The following RBM4 variants were observed in gnomAD, a reference collection of about 807,000 sequenced individuals.
The protein encoded by RBM4 is RNA binding motif protein 4.
RBM4 carries 7 observed loss-of-function variants against 29.5 expected under a neutral mutation model. The ratio of observed to expected loss-of-function variants is 0.24; its 90% confidence interval spans 0.14 to 0.45. The LOEUF is 0.45. Ranked by LOEUF, RBM4 falls within the 20% of genes least tolerant of loss-of-function variation. RBM4 has a pLI of 1.00. For synonymous variants in RBM4, 220 were observed against 205.4 expected, an observed-to-expected ratio of 1.07 and a Z score of -0.61; for missense variants, 387 against 502.3, an observed-to-expected ratio of 0.77 and a Z score of 2.19.
At chr11:66,651,416 C>T (rs1002270984), downstream of RBM4, among the ~76,000 whole-genome samples, 1 of 151,244 alleles carries the variant, frequency 6.6e-6, no homozygotes, top group East Asian at 1.9e-4. Flanking sequence ...GGCACTATCT[C>T]GGCTCACTGC....
intron 3 of RBM4, 45 bp from the exon 4 acceptor site, chr11:66,645,982 C>T (rs905756718): frequency 6.5e-7 from 1 of 1,535,848 alleles, no homozygotes; most frequent in Admixed American, 2.0e-5. Flanking sequence ...TGGGAAAGCC[C>T]TTTTGAGCTT....
chr11:66,654,513 T>A (rs890732235), intron 2 of RBM4, among the ~76,000 whole-genome samples: 8 of 151,742 alleles, frequency 5.3e-5, no homozygotes, highest in African/African-American at 1.5e-4. Flanking sequence ...AAATTTTTTT[T>A]ATTTTTGAGA....
intron 2 of RBM4, chr11:66,652,271 T>G (rs766896605): frequency 7.2e-5 from 11 of 152,170 alleles, no homozygotes; most frequent in Non-Finnish European, 1.2e-4. Context: ...TTTTTTGTAT[T>G]TTTAGTAGAG....
chr11:66,645,923 A>T, intron 3 of RBM4, 104 bp from the exon 4 acceptor site: 1 of 1,522,924 alleles, frequency 6.6e-7, no homozygotes, highest in Non-Finnish European at 8.8e-7. Context: ...AAGTAAACTT[A>T]AAAGGAGTGT....
intron 3 of RBM4, chr11:66,644,459 A>AC (rs1388951120): frequency 4.1e-6 from 1 of 243,052 alleles, no homozygotes; most frequent in Non-Finnish European, 7.6e-6. Flanking sequence ...TTACCTGGGG[A>AC]CCCACACGTT....
chr11:66,640,856 G>A (rs1020732715), intron 2 of RBM4: 2 of 152,196 alleles, frequency 1.3e-5, no homozygotes, highest in African/African-American at 4.8e-5. Flanking sequence ...GGCAGCATGG[G>A]TGATATGTGG....
rs1431748406 is a variant in RBM4, at chr11:66,665,998, A to T, written c.*33A>T. Reference sequence around the variant, plus strand: ...TATATGGCGAATTGCACTATTCTAAATGTGTTTTGTTTTAATCTTTCACAG... The same window carrying T: ...TATATGGCGAATTGCACTATTCTAATTGTGTTTTGTTTTAATCTTTCACAG... On this transcript the variant is annotated 3_prime_UTR_variant, in exon 3 of 3. Transcript: ENST00000396053. The T allele has an allele frequency of 6.8e-6, 10 of 1,468,064 alleles. No individual in the cohort carries two copies. The South Asian group carries it at 1.2e-4, about 18-fold the overall frequency. The allele number at this position is 1,468,064 out of a possible 1,614,324, so 90.9% of individuals were successfully genotyped here.
At chr11:66,665,313 C>T (rs2135223710) in intron 2 of RBM4, 1 of 508,564 alleles carries the variant, frequency 2.0e-6, no homozygotes, top group East Asian at 3.4e-5. Flanking sequence ...TTCCACTGCA[C>T]AGGAAAAAGG....
intron 2 of RBM4, among the ~76,000 whole-genome samples, chr11:66,662,628 C>T (rs1939104176): frequency 6.6e-6 from 1 of 152,164 alleles, no homozygotes; most frequent in Admixed American, 6.5e-5. Flanking sequence ...GTCTCAAACT[C>T]TTGAGCTCGG....
At chr11:66,650,172 A>G (rs567379093), downstream of RBM4, among the ~76,000 whole-genome samples, 3 of 152,316 alleles carry the variant, frequency 2.0e-5, no homozygotes, top group Admixed American at 1.3e-4. Flanking sequence ...TGTATTGATG[A>G]CATGTGCCTC....
chr11:66,654,448 A>G (rs1245074711), intron 2 of RBM4, among the ~76,000 whole-genome samples: 1 of 151,998 alleles, frequency 6.6e-6, no homozygotes, highest in Non-Finnish European at 1.5e-5. Flanking sequence ...GCGAGTCGAG[A>G]TAGTGCCACT....
At chr11:66,665,827 T>TA in intron 2 of RBM4, 1 of 1,503,232 alleles carries the variant, frequency 6.7e-7, no homozygotes, top group Non-Finnish European at 8.9e-7. Context: ...GTGTTGGTGA[T>TA]AAATACATCT....
At chr11:66,667,341 T>C (rs184100043) in exon 3 of RBM4, 1 of 152,376 alleles carries the variant, frequency 6.6e-6, no homozygotes, top group East Asian at 1.9e-4. Context: ...GCCTATGGCA[T>C]TGGCTTTCAC....
At chr11:66,665,939 G>A (rs1219395251) in exon 3 of RBM4, 1 of 1,535,030 alleles carries the variant, frequency 6.5e-7, no homozygotes, top group South Asian at 1.2e-5. Flanking sequence ...TTTAATTTTG[G>A]AGTCCAGGAA....
intron 2 of RBM4, 107 bp downstream of exon 2, chr11:66,640,230 G>A (rs1938380063): frequency 6.9e-7 from 1 of 1,451,822 alleles, no homozygotes; most frequent in Non-Finnish European, 9.5e-7. Flanking sequence ...TTGGCTGGCT[G>A]GTGATGAAGA....
chr11:66,666,344 T>C lies in RBM4; in HGVS notation c.*379T>C, dbSNP rs143632548. The C allele has an allele frequency of 5.9e-6, 6 of 1,012,458 alleles. No homozygotes were observed. In the East Asian group the frequency reaches 5.0e-4, roughly 85 times the overall value. 62.7% of individuals were successfully genotyped at this position (1,012,458 alleles called of 1,614,324 possible). A position where few individuals can be genotyped will look rare whatever the true frequency, so the allele number is the denominator to read the frequency against. ...GATCTGTGCCAATCGACTTCAAAAG[T>C]TGTGACGTTCTTGGATCAGTTCTGC... On this transcript the variant is annotated 3_prime_UTR_variant, in exon 3 of 3. Coordinates refer to the RBM4 transcript ENST00000396053.
At chr11:66,665,349 G>A (rs1939186843) in intron 2 of RBM4, 9 of 579,584 alleles carry the variant, frequency 1.6e-5, no homozygotes, top group Non-Finnish European at 2.8e-5. Flanking sequence ...CCTTACCTAG[G>A]GCTGCTCAGA....
At chr11:66,658,114 T>C (rs1938989072) in intron 2 of RBM4, among the ~76,000 whole-genome samples, 1 of 151,826 alleles carries the variant, frequency 6.6e-6, no homozygotes, top group Admixed American at 6.6e-5. Flanking sequence ...GTGCAACCTC[T>C]GCCTCCTGGA....
intron 2 of RBM4, among the ~76,000 whole-genome samples, chr11:66,659,442 T>G: frequency 6.6e-6 from 1 of 151,926 alleles, no homozygotes; most frequent in East Asian, 1.9e-4. Flanking sequence ...GGCTAATTTT[T>G]GTATCTTTAG....
Sources: allele counts gnomAD v4.1 joint callset (sites outside exome capture counted in the v4.1 genomes callset), GRCh38; gene constraint gnomAD v4.1.1; transcripts MANE v1.5; gene names NCBI Gene and HGNC (gene_info 2026-07-23, HGNC 2026-07-21).